The following HNRNPL variants were observed in gnomAD, a reference collection of about 807,000 sequenced individuals.
HNRNPL encodes epididymis secretory sperm binding protein.
In HNRNPL, 12 loss-of-function variants were observed where a neutral mutation model predicts 64.0. That is an observed-to-expected ratio of 0.19 (90% CI 0.12 to 0.30). HNRNPL has a LOEUF of 0.30. Among genes scored for constraint, HNRNPL ranks in the 10% least tolerant of loss-of-function variants. The pLI, the probability that HNRNPL is intolerant of heterozygous loss-of-function variation, is 1.00. For synonymous variants in HNRNPL, 385 were observed against 313.0 expected (o/e 1.23, Z -2.43); for missense variants, 484 against 797.4 (o/e 0.61, Z 4.73).
intron 6 of HNRNPL, chr19:38,842,082 A>AT (rs60759033): frequency 0.46 from 58,521 of 128,208 alleles, 14,196 homozygotes; most frequent in Non-Finnish European, 0.59. Flanking sequence ...GGTTTTTTTG[A>AT]TTTTTTTTTT....
chr19:38,841,356 A>C (rs1267741434), intron 6 of HNRNPL: 3 of 350,336 alleles, frequency 8.6e-6, no homozygotes, highest in Admixed American at 4.1e-5. Context: ...ACAGATAAGA[A>C]GACTGAGTTG....
Position 38,843,955 on chromosome 19 carries a change from C to T in HNRNPL, c.808-41G>A, listed in dbSNP as rs779517962. 1.9e-6 allele frequency: 3 copies of T among 1,607,828 alleles called. No homozygotes were observed. In the South Asian group the frequency reaches 3.3e-5, roughly 18 times the overall value. ...AAGACAAGACTTGAGGTCAGCCATG[C>T]CCCAGCTCACCTGGAAGCTGACAAG... On this transcript the variant is annotated intron_variant, in intron 5 of 12. Coordinates refer to ENST00000221419, the MANE Select transcript of HNRNPL (RefSeq NM_001533.3).
rs370732294 is a variant in HNRNPL at position 38,846,106 on chromosome 19, C to T, written c.387-16G>A. ...CACCACATAGCTGGCAGAGAGAACA[C>T]AGGTTTCAATCCTCTCAGGAAAATG... On this transcript the variant is annotated splice_polypyrimidine_tract_variant and intron_variant, in intron 2 of 12. Coordinates refer to ENST00000221419, the MANE Select transcript of HNRNPL (RefSeq NM_001533.3). The T allele has an allele frequency of 6.3e-7, 1 of 1,576,058 alleles. No homozygotes were observed. Among genetic ancestry groups the T allele is most frequent in the East Asian group, 2.2e-5 (1 of 44,608 alleles).
At chr19:38,849,386 G>A (rs1030205383) in intron 1 of HNRNPL, 13 of 317,604 alleles carry the variant, frequency 4.1e-5, no homozygotes, top group African/African-American at 6.5e-5. Context: ...AAATGATAAA[G>A]GGGAAAAAAA....
In HNRNPL at chr19:38,836,621, AAAAG is replaced by A. The variant is rs1971936873; in HGVS notation, c.*97_*100del. ...TTTAAAAAAAAAAAAAAAAAAAAAA[AAAAG>A]GAATACAAGATCTTTTGCAAATAAC... On this transcript the variant is annotated 3_prime_UTR_variant, in exon 13 of 13. Transcript: ENST00000221419. 2 of 548,934 alleles carry A rather than the reference AAAAG, an allele frequency of 3.6e-6. No homozygotes were observed. Among genetic ancestry groups the A allele is most frequent in the Non-Finnish European group, 3.1e-6 (1 of 318,284 alleles). 34.0% of individuals were successfully genotyped at this position (548,934 alleles called of 1,614,324 possible).
In HNRNPL at chr19:38,837,576, T is replaced by G. The variant is rs1600044517; in HGVS notation, c.1615+18A>C. On this transcript the variant is annotated intron_variant, in intron 11 of 12. Transcript: ENST00000221419. The stretch of plus-strand genomic sequence containing the variant: ...CCACCATGCAATTAGGGCAAGGAGG[T>G]GGGCACACTCGACTCACTTTTGCCT... The G allele has an allele frequency of 6.2e-7, 1 of 1,613,952 alleles. No individual in the cohort carries two copies. Among genetic ancestry groups the G allele is most frequent in the Non-Finnish European group, 8.5e-7 (1 of 1,179,866 alleles).
At chr19:38,844,317 G>C (rs1266083070) in intron 4 of HNRNPL, among the ~76,000 whole-genome samples, 1 of 151,766 alleles carries the variant, frequency 6.6e-6, no homozygotes, top group Non-Finnish European at 1.5e-5. Flanking sequence ...TCACTGGCCA[G>C]AGTTCTCTCA....
intron 9 of HNRNPL, 71 bp downstream of exon 9, chr19:38,838,821 CCT>C: frequency 1.3e-6 from 2 of 1,597,294 alleles, no homozygotes; most frequent in Non-Finnish European, 1.7e-6. Flanking sequence ...TCACTGTGCT[CCT>C]CTGCTGGGCC....
Position 38,836,797 on chromosome 19 carries a change from A to C in HNRNPL, c.1712-17T>G. 6.2e-7 allele frequency: 1 copy of C among 1,603,734 alleles called. No homozygotes were observed. On this transcript the variant is annotated splice_polypyrimidine_tract_variant and intron_variant, in intron 12 of 12. Transcript: ENST00000221419. ...ATGGACCATCTGCAAAGGAGAGACA[A>C]GTTTGGTTGGTTCCCGTCTTTGGAG... is the stretch of plus-strand genomic sequence containing the variant.
intron 3 of HNRNPL, 56 bp downstream of exon 3, chr19:38,845,797 G>A (rs994733584): frequency 1.6e-5 from 26 of 1,596,114 alleles, no homozygotes; most frequent in Non-Finnish European, 1.9e-5. Flanking sequence ...CTTGGGGGAG[G>A]GAATAAGGGG....
At chr19:38,843,955 C>G (rs779517962) in intron 5 of HNRNPL, 41 bp from the exon 6 acceptor site, 1 of 1,607,948 alleles carries the variant, frequency 6.2e-7, no homozygotes, top group Non-Finnish European at 8.5e-7. Context: ...GTCAGCCATG[C>G]CCCAGCTCAC....
chr19:38,837,923 T>A (rs866398426), intron 10 of HNRNPL, among the ~76,000 whole-genome samples: 1 of 152,238 alleles, frequency 6.6e-6, no homozygotes, highest in African/African-American at 2.4e-5. Context: ...TGCTGAACAC[T>A]GTTTGCTGAA....
Position 38,840,350 on chromosome 19 carries a change from G to A in HNRNPL, c.979C>T (p.His327Tyr), listed in dbSNP as rs1972072090. ...YGGPHGGYHS[H>Y]YHDEGYGPPP... The stretch of plus-strand genomic sequence containing the variant: ...GGCCCGTAGCCCTCATCATGGTAAT[G>A]GCTGTGGTACCCACCGTGGGGCCCT... The change falls in exon 8 of 13, where the codon CAT becomes TAT. Residue 327 changes from histidine (H) to tyrosine (Y), a missense_variant. His to Tyr is a moderately conservative substitution (Grantham distance 83). Transcript: ENST00000221419. 6.4e-7 allele frequency: 1 copy of A among 1,552,796 alleles called. No homozygotes were observed. Among genetic ancestry groups the A allele is most frequent in the South Asian group, 1.2e-5 (1 of 81,786 alleles).
chr19:38,844,495 C>G (rs987950186), intron 4 of HNRNPL, among the ~76,000 whole-genome samples: 1 of 152,158 alleles, frequency 6.6e-6, no homozygotes, highest in Non-Finnish European at 1.5e-5. Flanking sequence ...AGCATCGCAA[C>G]GCTGTCTAGG....
At chr19:38,849,405 G>A (rs529290073) in intron 1 of HNRNPL, 28 of 358,434 alleles carry the variant, frequency 7.8e-5, no homozygotes, top group African/African-American at 5.3e-4. Context: ...AACCGGCCGG[G>A]CCGCGTGCCC....
intron 9 of HNRNPL, 77 bp downstream of exon 9, chr19:38,838,817 T>C (rs898485651): frequency 1.3e-6 from 2 of 1,587,888 alleles, no homozygotes; most frequent in Non-Finnish European, 1.7e-6. Flanking sequence ...GGCCTCACTG[T>C]GCTCCTCTGC....
chr19:38,849,940 C>T lies in HNRNPL; in HGVS notation c.27G>A (p.Ala9=), dbSNP rs953576436. Residue 9 remains alanine, a synonymous_variant, in exon 1 of 13, where the codon GCG becomes GCA. Coordinates refer to ENST00000221419, the MANE Select transcript of HNRNPL (RefSeq NM_001533.3). ...GCTCCAGCCGCCGACGCCGCTTCTC[C>T]GCCCGGGGCAGCAGCCTCCGCGACA... MSRRLLPR[A]EKRRRRLEQR... The T allele has an allele frequency of 2.9e-6, 4 of 1,371,416 alleles. No homozygotes were observed. Among genetic ancestry groups the T allele is most frequent in the South Asian group, 1.5e-5 (1 of 68,076 alleles). The allele number at this position is 1,371,416 out of a possible 1,614,324, so 85.0% of individuals were successfully genotyped here.
chr19:38,851,297 G>C (rs1049643555), upstream of HNRNPL: 1 of 152,316 alleles, frequency 6.6e-6, no homozygotes, highest in African/African-American at 2.4e-5. Context: ...CTCCGGCGAA[G>C]CCCAACTGGC....
intron 1 of HNRNPL, among the ~76,000 whole-genome samples, chr19:38,848,587 T>C (rs1489944881): frequency 6.6e-6 from 1 of 152,092 alleles, no homozygotes; most frequent in East Asian, 1.9e-4. Flanking sequence ...GCGTGGAAGG[T>C]GGGTAGAATT....
Sources: allele counts gnomAD v4.1 joint callset (sites outside exome capture counted in the v4.1 genomes callset), GRCh38; gene constraint gnomAD v4.1.1; transcripts MANE v1.5; gene names NCBI Gene and HGNC (gene_info 2026-07-23, HGNC 2026-07-21).